SLC4A10: variants seen among roughly 807,000 people sequenced by gnomAD.
SLC4A10 encodes the protein sodium-driven chloride bicarbonate exchanger.
SLC4A10 carries 42 observed loss-of-function variants against 137.7 expected under a neutral mutation model. That is an observed-to-expected ratio of 0.30 (90% CI 0.24 to 0.39). SLC4A10 has a LOEUF of 0.39. Among genes scored for constraint, SLC4A10 ranks in the 10% least tolerant of loss-of-function variants. The probability of loss-of-function intolerance (pLI) is 1.00; values close to 1 mark genes in which losing one functional copy is unlikely to be tolerated. For missense variants in SLC4A10, 925 were observed against 1,355.0 expected (o/e 0.68, Z 4.98); for synonymous variants, 474 against 464.1 (o/e 1.02, Z -0.27).
chr2:161,931,898 T>C (rs1162653878), intron 15 of SLC4A10, among the ~76,000 whole-genome samples: 1 of 152,220 alleles, frequency 6.6e-6, no homozygotes, highest in Non-Finnish European at 1.5e-5. Flanking sequence ...TATAAAAGTA[T>C]ACCTATATAC....
At chr2:161,911,396 G>A (rs1685812615) in intron 15 of SLC4A10, among the ~76,000 whole-genome samples, 1 of 151,990 alleles carries the variant, frequency 6.6e-6, no homozygotes, top group African/African-American at 2.4e-5. Flanking sequence ...AGAGAAACTG[G>A]AGTGCAATTT....
chr2:161,895,467 A>G (rs893269386), intron 11 of SLC4A10, among the ~76,000 whole-genome samples: 2 of 152,150 alleles, frequency 1.3e-5, no homozygotes, highest in African/African-American at 4.8e-5. Context: ...TTCTAGTTCT[A>G]GATCCCTGAG....
intron 2 of SLC4A10, among the ~76,000 whole-genome samples, chr2:161,802,522 T>C (rs1470057835): frequency 2.0e-5 from 3 of 152,146 alleles, no homozygotes; most frequent in Non-Finnish European, 4.4e-5. Flanking sequence ...TTGGATATTT[T>C]AGAAATCTTA....
chr2:161,859,745 C>A (rs969026235), intron 5 of SLC4A10, among the ~76,000 whole-genome samples: 1 of 151,740 alleles, frequency 6.6e-6, no homozygotes, highest in Admixed American at 6.6e-5. Context: ...GGACTACAGG[C>A]GCCCGCCACC....
At chr2:161,905,130 C>G (rs927056770) in intron 14 of SLC4A10, among the ~76,000 whole-genome samples, 1 of 152,126 alleles carries the variant, frequency 6.6e-6, no homozygotes, top group South Asian at 2.1e-4. Context: ...TTATAAGCAT[C>G]GATAAATCCC....
intron 6 of SLC4A10, among the ~76,000 whole-genome samples, chr2:161,864,277 A>C (rs1456079672): frequency 1.3e-5 from 2 of 152,210 alleles, no homozygotes; most frequent in Non-Finnish European, 2.9e-5. Context: ...GGAAAGACTG[A>C]TTTCCACGAA....
At chr2:161,865,116 C>A (rs1295385645) in intron 6 of SLC4A10, among the ~76,000 whole-genome samples, 2 of 151,932 alleles carry the variant, frequency 1.3e-5, no homozygotes, top group Non-Finnish European at 2.9e-5. Flanking sequence ...AAAATTTATA[C>A]CTTAAATTTC....
chr2:161,852,336 A>G (rs148035814), intron 4 of SLC4A10, among the ~76,000 whole-genome samples: 7 of 152,332 alleles, frequency 4.6e-5, no homozygotes, highest in African/African-American at 1.7e-4. Context: ...ATGCTATTAT[A>G]TAGTCTCCCT....
In SLC4A10 at chr2:161,816,480, C is replaced by CTT. The variant is rs61326266; in HGVS notation, c.277+11892_277+11893dup. ...GGAAAAACGTTTGAATTTGGGCACTCTTTTTTTTATTATTATACTTTAAGT... is the reference window on the plus strand; with the variant it reads ...GGAAAAACGTTTGAATTTGGGCACTCTTTTTTTTTTATTATTATACTTTAAGT... On this transcript the variant is annotated intron_variant, in intron 3 of 26. Transcript: ENST00000446997. Among the ~76,000 whole-genome samples the CTT allele has an allele frequency of 4.0e-4, 61 of 151,716 alleles. No homozygotes were observed. In the South Asian group the frequency reaches 8.5e-3, roughly 21 times the overall value.
chr2:161,763,167 A>T (rs757745961), intron 1 of SLC4A10, among the ~76,000 whole-genome samples: 20 of 151,930 alleles, frequency 1.3e-4, no homozygotes, highest in Non-Finnish European at 1.9e-4. Flanking sequence ...ATTTTTTATG[A>T]TCCAGAGTTT....
chr2:161,908,793 A>C (rs1364944570), intron 15 of SLC4A10, among the ~76,000 whole-genome samples: 1 of 151,714 alleles, frequency 6.6e-6, no homozygotes, highest in African/African-American at 2.4e-5. Flanking sequence ...GTGACAGAGA[A>C]GGACTATGTG....
intron 1 of SLC4A10, among the ~76,000 whole-genome samples, chr2:161,732,164 C>T (rs1367337257): frequency 6.6e-6 from 1 of 152,132 alleles, no homozygotes; most frequent in Non-Finnish European, 1.5e-5. Flanking sequence ...AGCTTCATTA[C>T]TAGCCATAAT....
At chr2:161,801,369 A>T (rs1434060038) in intron 2 of SLC4A10, among the ~76,000 whole-genome samples, 4 of 151,742 alleles carry the variant, frequency 2.6e-5, no homozygotes, top group African/African-American at 4.8e-5. Flanking sequence ...ATATATATAT[A>T]TTTTTGCTCT....
In SLC4A10 at chr2:161,861,005, C is replaced by G. The variant is rs1247244221; in HGVS notation, c.578-1869C>G. On this transcript the variant is annotated intron_variant, in intron 5 of 26. Transcript: ENST00000446997. Reference sequence around the variant, plus strand: ...TAAAAAAGTTTCATTGGAGCATAACCAGGCTCATTTGTGTACATGTTGCCT... The same window carrying G: ...TAAAAAAGTTTCATTGGAGCATAACGAGGCTCATTTGTGTACATGTTGCCT... 2.0e-5 allele frequency among the ~76,000 whole-genome samples: 3 copies of G among 152,282 alleles called. No homozygotes were observed. In the South Asian group the frequency reaches 6.2e-4, roughly 32 times the overall value.
At chr2:161,717,552 C>T (rs779363280) in intron 1 of SLC4A10, among the ~76,000 whole-genome samples, 54 of 152,144 alleles carry the variant, frequency 3.5e-4, no homozygotes, top group Non-Finnish European at 5.7e-4. Flanking sequence ...GAGATAATCA[C>T]GTGGCTTTTT....
At chr2:161,824,004 A>G (rs1450698258) in intron 3 of SLC4A10, among the ~76,000 whole-genome samples, 3 of 152,222 alleles carry the variant, frequency 2.0e-5, no homozygotes, top group African/African-American at 7.2e-5. Flanking sequence ...GGCCTGGACA[A>G]TGAGAATCCT....
intron 4 of SLC4A10, among the ~76,000 whole-genome samples, chr2:161,844,898 A>C (rs978319590): frequency 3.9e-5 from 6 of 152,148 alleles, no homozygotes; most frequent in African/African-American, 1.4e-4. Flanking sequence ...CTCAGGGTTT[A>C]AATCCACCCC....
At chr2:161,863,528 ATGAT>A (rs2060553543) in intron 6 of SLC4A10, among the ~76,000 whole-genome samples, 3 of 152,216 alleles carry the variant, frequency 2.0e-5, no homozygotes. Flanking sequence ...ATTAGAGAAA[ATGAT>A]TGAAAAGACC....
At chr2:161,808,171 A>C in intron 3 of SLC4A10, among the ~76,000 whole-genome samples, 1 of 152,108 alleles carries the variant, frequency 6.6e-6, no homozygotes, top group Non-Finnish European at 1.5e-5. Flanking sequence ...TAAAATGCTT[A>C]AACATGTCCT....
Sources: gnomAD v4.1 joint callset for allele counts (sites outside exome capture counted in the v4.1 genomes callset) on GRCh38, gnomAD v4.1.1 for gene constraint, MANE v1.5 for transcripts, NCBI Gene and HGNC (gene_info 2026-07-23, HGNC 2026-07-21) for gene names.